Variants in ATP8B4 observed in about 807,000 individuals in gnomAD.
The protein encoded by ATP8B4 is probable phospholipid-transporting ATPase IM.
Under a neutral mutation model 145.6 loss-of-function variants are expected in ATP8B4, and 133 were observed. The observed-to-expected ratio is 0.91, with a 90% CI of 0.79 to 1.05. ATP8B4 has a LOEUF of 1.05. Among genes scored for constraint, ATP8B4 ranks in the 50% least tolerant of loss-of-function variants. The probability of loss-of-function intolerance (pLI) is 0.00; values close to 1 mark genes in which losing one functional copy is unlikely to be tolerated. For synonymous variants in ATP8B4, 507 were observed against 492.9 expected, an observed-to-expected ratio of 1.03 and a Z score of -0.38; for missense variants, 1,458 against 1,425.2, an observed-to-expected ratio of 1.02 and a Z score of -0.37.
chr15:50,013,059 C>G (rs2048833712), intron 6 of ATP8B4, among the ~76,000 whole-genome samples: 1 of 152,124 alleles, frequency 6.6e-6, no homozygotes. Context: ...AATCATTTTT[C>G]TTGTCCTACC....
chr15:49,880,936 C>T (rs1413273392), intron 23 of ATP8B4, among the ~76,000 whole-genome samples: 1 of 151,928 alleles, frequency 6.6e-6, no homozygotes, highest in Non-Finnish European at 1.5e-5. Flanking sequence ...CATGGTGAAA[C>T]CCCGTCTCTA....
intron 13 of ATP8B4, among the ~76,000 whole-genome samples, chr15:49,964,108 T>C (rs2044322406): frequency 6.6e-6 from 1 of 152,216 alleles, no homozygotes. Flanking sequence ...CTCTTCTTTA[T>C]ACAATGCTAT....
At chr15:50,061,136 C>G (rs567899814) in intron 3 of ATP8B4, among the ~76,000 whole-genome samples, 4 of 152,026 alleles carry the variant, frequency 2.6e-5, no homozygotes, top group African/African-American at 9.7e-5. Flanking sequence ...TTTGACTCAG[C>G]TGAAGATATT....
At chr15:50,160,289 T>G (rs77787471) in intron 1 of ATP8B4, among the ~76,000 whole-genome samples, 9,051 of 151,840 alleles carry the variant, frequency 0.06, 326 homozygotes, top group African/African-American at 0.1. Context: ...TTTTTATTTT[T>G]CTTAGTCTGG....
At chr15:50,098,674 T>C (rs116046251) in intron 2 of ATP8B4, among the ~76,000 whole-genome samples, 1,631 of 152,134 alleles carry the variant, frequency 0.011, 29 homozygotes, top group African/African-American at 0.037. Flanking sequence ...ATATGTAGAT[T>C]CACAAAAATA....
chr15:50,018,729 C>T (rs1240912182), intron 6 of ATP8B4, among the ~76,000 whole-genome samples: 1 of 152,224 alleles, frequency 6.6e-6, no homozygotes, highest in East Asian at 1.9e-4. Flanking sequence ...GTGAGCTCAT[C>T]CGAAAACTAT....
intron 11 of ATP8B4, among the ~76,000 whole-genome samples, chr15:49,980,323 T>C (rs1195023208): frequency 6.6e-6 from 1 of 152,180 alleles, no homozygotes; most frequent in Non-Finnish European, 1.5e-5. Flanking sequence ...GCTCAGATTC[T>C]TTATGATTGT....
chr15:50,048,448 C>T (rs1341770594), intron 3 of ATP8B4, among the ~76,000 whole-genome samples: 2 of 152,126 alleles, frequency 1.3e-5, no homozygotes, highest in Admixed American at 6.5e-5. Flanking sequence ...TGGCTCACGC[C>T]TATAATCCCA....
chr15:50,049,139 G>A (rs1388491451), intron 3 of ATP8B4, among the ~76,000 whole-genome samples: 1 of 152,142 alleles, frequency 6.6e-6, no homozygotes, highest in Non-Finnish European at 1.5e-5. Context: ...CCTACAATAA[G>A]CTCTTTACAA....
At chr15:50,131,177 A>G (rs1225676635) in intron 1 of ATP8B4, among the ~76,000 whole-genome samples, 1 of 152,142 alleles carries the variant, frequency 6.6e-6, no homozygotes, top group Admixed American at 6.5e-5. Flanking sequence ...TCCTTGACAC[A>G]TGGGGATTAT....
intron 13 of ATP8B4, among the ~76,000 whole-genome samples, chr15:49,964,023 A>C (rs1567092288): frequency 6.6e-6 from 1 of 152,238 alleles, no homozygotes; most frequent in Non-Finnish European, 1.5e-5. Context: ...AAGGGAACCA[A>C]AGAATGGTTC....
chr15:49,935,720 A>G (rs1338761647), intron 14 of ATP8B4, among the ~76,000 whole-genome samples: 1 of 152,174 alleles, frequency 6.6e-6, no homozygotes, highest in Admixed American at 6.6e-5. Context: ...TAAATTATGT[A>G]CATATATTAC....
chr15:50,085,824 AAT>A (rs2054873455), intron 2 of ATP8B4, among the ~76,000 whole-genome samples: 3 of 133,532 alleles, frequency 2.2e-5, no homozygotes, highest in South Asian at 2.2e-4. Context: ...TATTATATAT[AAT>A]ATATATGATA....
At chr15:50,095,743 A>G (rs1036797977) in intron 2 of ATP8B4, among the ~76,000 whole-genome samples, 1 of 144,480 alleles carries the variant, frequency 6.9e-6, no homozygotes, top group East Asian at 2.3e-4. Context: ...ACACAGTGAG[A>G]CCCTGTTTCT....
intron 23 of ATP8B4, among the ~76,000 whole-genome samples, chr15:49,888,937 T>A (rs927172395): frequency 6.6e-6 from 1 of 151,998 alleles, no homozygotes; most frequent in Non-Finnish European, 1.5e-5. Context: ...GACAGGCCTG[T>A]CCCTCCCACA....
chr15:50,166,118 T>C (rs942025339), intron 1 of ATP8B4, among the ~76,000 whole-genome samples: 7 of 152,028 alleles, frequency 4.6e-5, no homozygotes, highest in African/African-American at 1.7e-4. Context: ...CACAAGACAA[T>C]AGAGTGATAT....
At chr15:49,953,217 C>T (rs554182747) in intron 14 of ATP8B4, among the ~76,000 whole-genome samples, 13 of 152,014 alleles carry the variant, frequency 8.6e-5, no homozygotes, top group Non-Finnish European at 1.5e-4. Flanking sequence ...ACCCATTTAA[C>T]GAAGCACTTT....
intron 14 of ATP8B4, among the ~76,000 whole-genome samples, chr15:49,958,314 T>TA (rs1038151266): frequency 3.3e-5 from 5 of 151,346 alleles, no homozygotes; most frequent in African/African-American, 1.2e-4. Flanking sequence ...TTTGTATTCT[T>TA]AAAAAACAGG....
At chr15:50,141,466 T>C (rs2044208493) in intron 1 of ATP8B4, among the ~76,000 whole-genome samples, 1 of 152,152 alleles carries the variant, frequency 6.6e-6, no homozygotes, top group Non-Finnish European at 1.5e-5. Flanking sequence ...GGCAGGGTTC[T>C]TAGAAATACA....
Sources: allele counts gnomAD v4.1 joint callset (sites outside exome capture counted in the v4.1 genomes callset), GRCh38; gene constraint gnomAD v4.1.1; transcripts MANE v1.5; gene names NCBI Gene and HGNC (gene_info 2026-07-23, HGNC 2026-07-21).